The following EYA2 variants were observed in gnomAD, a reference collection of about 807,000 sequenced individuals.
EYA2 encodes EYA transcriptional coactivator and phosphatase 2.
EYA2 carries 31 observed loss-of-function variants against 69.2 expected under a neutral mutation model. The ratio of observed to expected loss-of-function variants is 0.45; its 90% confidence interval spans 0.34 to 0.60. The LOEUF (loss-of-function observed/expected upper bound fraction) is 0.60, where lower values mean the gene tolerates loss of function less well. EYA2 is among the 20% of genes least tolerant of loss of function. The probability of loss-of-function intolerance (pLI) is 0.02; values close to 1 mark genes in which losing one functional copy is unlikely to be tolerated. For missense variants in EYA2, 622 were observed against 701.2 expected, an observed-to-expected ratio of 0.89 and a Z score of 1.28; for synonymous variants, 257 against 279.4, an observed-to-expected ratio of 0.92 and a Z score of 0.80.
At chr20:47,087,413 T>G (rs1311704408) in intron 7 of EYA2, among the ~76,000 whole-genome samples, 1 of 152,190 alleles carries the variant, frequency 6.6e-6, no homozygotes, top group East Asian at 1.9e-4. Context: ...AGGTTCACGC[T>G]GTTTTACAGT....
chr20:46,911,724 G>T (rs1431522255), intron 1 of EYA2, among the ~76,000 whole-genome samples: 1 of 152,128 alleles, frequency 6.6e-6, no homozygotes, highest in African/African-American at 2.4e-5. Flanking sequence ...GTTCCCACTT[G>T]TGTGTGGGAA....
rs567638714 is a variant in EYA2, at chr20:47,001,145, A to T, written c.110-283A>T. ...CTCAGTTTCTCCATCTGTACAATGG[A>T]TGGAGAAATGGACTCTACTCTGATG... is the stretch of plus-strand genomic sequence containing the variant. On this transcript the variant is annotated intron_variant, in intron 2 of 15. Coordinates refer to ENST00000327619, the MANE Select transcript of EYA2 (RefSeq NM_005244.5). Among the ~76,000 whole-genome samples, 3 of 152,192 alleles carry T rather than the reference A, an allele frequency of 2.0e-5. No homozygotes were observed. The South Asian group carries it at 6.2e-4, about 32-fold the overall frequency.
chr20:47,131,787 A>G (rs781233788), intron 9 of EYA2, among the ~76,000 whole-genome samples: 4 of 152,226 alleles, frequency 2.6e-5, no homozygotes, highest in African/African-American at 4.8e-5. Flanking sequence ...CTCTAGAACT[A>G]TTAGAGAATA....
At chr20:47,052,602 G>A (rs2030396144) in intron 5 of EYA2, among the ~76,000 whole-genome samples, 1 of 152,152 alleles carries the variant, frequency 6.6e-6, no homozygotes, top group Admixed American at 6.5e-5. Context: ...GGTCGTTTTA[G>A]GAGTCCTGCT....
chr20:46,940,933 CCTGACTCCAT>C (rs1986129949), intron 1 of EYA2, among the ~76,000 whole-genome samples: 1 of 152,210 alleles, frequency 6.6e-6, no homozygotes, highest in African/African-American at 2.4e-5. Flanking sequence ...CCCCTAGCCT[CCTGACTCCAT>C]CTGTCTCGCC....
chr20:47,152,804 C>T (rs2033848966), intron 10 of EYA2, among the ~76,000 whole-genome samples: 1 of 137,096 alleles, frequency 7.3e-6, no homozygotes, highest in Non-Finnish European at 1.5e-5. Context: ...GAGCAAGACT[C>T]AGTCTCAAAA....
chr20:46,956,633 C>T (rs148233807), intron 1 of EYA2, among the ~76,000 whole-genome samples: 158 of 152,250 alleles, frequency 1.0e-3, no homozygotes, highest in African/African-American at 3.3e-3. Context: ...GTCCATTAGC[C>T]GGAACTCAGT....
rs6063069 is a variant in EYA2 at position 47,094,681 on chromosome 20, C to T, written c.805-2404C>T. Among the ~76,000 whole-genome samples the T allele has an allele frequency of 5.5e-3, 835 of 152,328 alleles. 9 individuals carry two copies. The highest frequency in any genetic ancestry group is 0.019 in the African/African-American group (797 of 41,568). ...CACTAGCTACAGAGTTAGTCAGGTC[C>T]TTTGTCCTTGAAAATAATGATCACC... On this transcript the variant is annotated intron_variant, in intron 8 of 15. Transcript: ENST00000327619.
At chr20:47,103,549 C>T (rs1022202216) in intron 9 of EYA2, among the ~76,000 whole-genome samples, 7 of 152,122 alleles carry the variant, frequency 4.6e-5, no homozygotes, top group Admixed American at 2.6e-4. Context: ...GGAAAGTTAA[C>T]GAACATGGCA....
chr20:47,081,648 A>G (rs961533489), intron 7 of EYA2, among the ~76,000 whole-genome samples: 2 of 151,506 alleles, frequency 1.3e-5, no homozygotes, highest in Non-Finnish European at 2.9e-5. Flanking sequence ...GCGTGGTGCC[A>G]CACGCCTGTG....
intron 12 of EYA2, among the ~76,000 whole-genome samples, chr20:47,179,095 A>G (rs2034481895): frequency 6.6e-6 from 1 of 151,858 alleles, no homozygotes; most frequent in Non-Finnish European, 1.5e-5. Flanking sequence ...CCCTGTCTCC[A>G]CCATAACAAT....
chr20:47,138,087 T>C (rs1211504446), intron 9 of EYA2, among the ~76,000 whole-genome samples: 3 of 151,698 alleles, frequency 2.0e-5, no homozygotes, highest in Non-Finnish European at 4.4e-5. Context: ...CATGTATACA[T>C]ATGTAACTAA....
At chr20:47,063,392 C>CGTGTGCGTGTGCGTGTGTGTGTGT (rs1430441053) in intron 5 of EYA2, among the ~76,000 whole-genome samples, 2 of 143,372 alleles carry the variant, frequency 1.4e-5, no homozygotes, top group African/African-American at 5.3e-5. Flanking sequence ...TGTGCGTGTG[C>CGTGTGCGTGTGCGTGTGTGTGTGT]GTGTGTGTGT....
intron 2 of EYA2, among the ~76,000 whole-genome samples, chr20:46,992,434 C>T (rs1176425233): frequency 1.3e-5 from 2 of 152,188 alleles, no homozygotes; most frequent in Admixed American, 6.5e-5. Flanking sequence ...TATTATACAA[C>T]TGGTAGGCTA....
chr20:47,087,607 A>G (rs1234654514), intron 7 of EYA2, among the ~76,000 whole-genome samples: 2 of 152,242 alleles, frequency 1.3e-5, no homozygotes, highest in South Asian at 4.1e-4. Context: ...GCAGCAACAC[A>G]GCTCTGATGC....
chr20:47,130,009 A>G (rs2033297901), intron 9 of EYA2, among the ~76,000 whole-genome samples: 2 of 142,394 alleles, frequency 1.4e-5, no homozygotes, highest in Non-Finnish European at 3.0e-5. Context: ...AGTCACATGC[A>G]TGTCCCCCTC....
chr20:47,000,595 G>A (rs1258110091), intron 2 of EYA2, among the ~76,000 whole-genome samples: 1 of 152,170 alleles, frequency 6.6e-6, no homozygotes. Context: ...TCAAGATGAC[G>A]GAGCACAAAA....
At chr20:46,991,848 A>G (rs1485414498) in intron 2 of EYA2, among the ~76,000 whole-genome samples, 1 of 151,626 alleles carries the variant, frequency 6.6e-6, no homozygotes, top group Non-Finnish European at 1.5e-5. Context: ...CACACCTGTA[A>G]TCCCAGCTAC....
At chr20:47,152,669 G>A (rs1336212807) in intron 10 of EYA2, among the ~76,000 whole-genome samples, 2 of 151,642 alleles carry the variant, frequency 1.3e-5, no homozygotes, top group Admixed American at 6.6e-5. Flanking sequence ...AAATTAGATG[G>A]GTGTGGCAGC....
Sources: gnomAD v4.1 joint callset for allele counts (sites outside exome capture counted in the v4.1 genomes callset) on GRCh38, gnomAD v4.1.1 for gene constraint, MANE v1.5 for transcripts, NCBI Gene and HGNC (gene_info 2026-07-23, HGNC 2026-07-21) for gene names.